Variants in FREM1 observed in about 807,000 individuals in gnomAD.
The protein encoded by FREM1 is FRAS1-related extracellular matrix protein 1.
Under a neutral mutation model 210.1 loss-of-function variants are expected in FREM1, and 220 were observed. The observed-to-expected ratio is 1.05, with a 90% CI of 0.94 to 1.17. The LOEUF (loss-of-function observed/expected upper bound fraction) is 1.17. Ranked by LOEUF, FREM1 falls within the 50% of genes most tolerant of loss-of-function variation. The pLI, the probability that FREM1 is intolerant of heterozygous loss-of-function variation, is 0.00. For missense variants in FREM1, 3,454 were observed against 2,675.5 expected (o/e 1.29, Z -6.42); for synonymous variants, 1,189 against 980.2 (o/e 1.21, Z -3.98).
chr9:14,783,649 G>A (rs1300891434), intron 24 of FREM1, among the ~76,000 whole-genome samples: 12 of 152,158 alleles, frequency 7.9e-5, no homozygotes, highest in Admixed American at 7.9e-4. Context: ...TTCTGGACTT[G>A]GCTCTTGCTT....
intron 1 of FREM1, among the ~76,000 whole-genome samples, chr9:14,894,648 G>GT (rs957547277): frequency 7.2e-5 from 11 of 152,036 alleles, no homozygotes; most frequent in Admixed American, 3.9e-4. Context: ...CCTTTGTTTT[G>GT]TTTTTTTAGA....
At chr9:14,832,545 C>T (rs1823762082) in intron 10 of FREM1, among the ~76,000 whole-genome samples, 1 of 152,182 alleles carries the variant, frequency 6.6e-6, no homozygotes, top group Non-Finnish European at 1.5e-5. Context: ...TAATTGAATT[C>T]CTTTCTACAA....
Position 14,805,025 on chromosome 9 carries a change from C to T in FREM1, c.3402G>A (p.Glu1134=). The T allele has an allele frequency of 6.2e-7, 1 of 1,613,796 alleles. No homozygotes were observed. The highest frequency in any genetic ancestry group is 8.5e-7 in the Non-Finnish European group (1 of 1,179,732). ...YVTDGKHHSL[E]IPFSIIINPT... is the part of the protein sequence containing the mutation. ...GGTTGATTATAATAGAAAATGGTAT[C>T]TCCAAGGAGTGATGCTTCCCATCTG... is the stretch of plus-strand genomic sequence containing the variant. The change falls in exon 19 of 37, where the codon GAG becomes GAA. Residue 1134 remains glutamate, a synonymous_variant. Transcript: ENST00000380880.
At chr9:14,888,203 A>T (rs1836162248) in intron 1 of FREM1, among the ~76,000 whole-genome samples, 2 of 152,146 alleles carry the variant, frequency 1.3e-5, no homozygotes, top group Admixed American at 6.5e-5. Flanking sequence ...GTAGATAATG[A>T]TTTTATAGAT....
chr9:14,855,381 T>C (rs1181516724), intron 5 of FREM1, among the ~76,000 whole-genome samples: 2 of 152,140 alleles, frequency 1.3e-5, no homozygotes, highest in African/African-American at 4.8e-5. Context: ...AATAAAATTG[T>C]ATTTGAGGTA....
chr9:14,806,513 C>A (rs1374873980), intron 18 of FREM1, 148 bp downstream of exon 18: 20 of 593,542 alleles, frequency 3.4e-5, no homozygotes, highest in Non-Finnish European at 6.0e-5. Context: ...CTCGGCCTCC[C>A]AAAGTGCTGG....
At chr9:14,767,135 C>T (rs548714715) in intron 27 of FREM1, among the ~76,000 whole-genome samples, 1 of 152,074 alleles carries the variant, frequency 6.6e-6, no homozygotes, top group African/African-American at 2.4e-5. Flanking sequence ...AAGGGCAGAG[C>T]CAAAGCTCAA....
chr9:14,813,093 A>C, intron 15 of FREM1, 29 bp from the exon 16 acceptor site: 1 of 1,577,762 alleles, frequency 6.3e-7, no homozygotes, highest in Non-Finnish European at 8.6e-7. Flanking sequence ...GCATGTTTTC[A>C]GAAAAAGAAA....
intron 10 of FREM1, among the ~76,000 whole-genome samples, chr9:14,829,397 G>A (rs1325269585): frequency 6.6e-6 from 1 of 152,066 alleles, no homozygotes; most frequent in East Asian, 1.9e-4. Context: ...TGCCATGACT[G>A]TCATCAAATA....
At chr9:14,794,752 C>A (rs1416126049) in intron 21 of FREM1, among the ~76,000 whole-genome samples, 4 of 152,128 alleles carry the variant, frequency 2.6e-5, no homozygotes, top group East Asian at 3.9e-4. Flanking sequence ...GTAATCCCAG[C>A]ACTTTTGGAG....
chr9:14,780,293 C>T (rs947021218), intron 24 of FREM1, among the ~76,000 whole-genome samples: 14 of 152,026 alleles, frequency 9.2e-5, no homozygotes, highest in African/African-American at 2.7e-4. Context: ...GACTGGGGTG[C>T]CTGCCTGGTC....
chr9:14,821,604 G>A (rs1821325145), intron 13 of FREM1, among the ~76,000 whole-genome samples: 1 of 152,200 alleles, frequency 6.6e-6, no homozygotes, highest in East Asian at 1.9e-4. Context: ...TCTGGTCCCT[G>A]ATAGGAAAGG....
intron 3 of FREM1, among the ~76,000 whole-genome samples, chr9:14,861,090 T>TATATACAC (rs1830266185): frequency 4.9e-5 from 4 of 81,668 alleles, no homozygotes; most frequent in South Asian, 3.0e-4. Flanking sequence ...TATATACACA[T>TATATACAC]ATATATAAAC....
intron 29 of FREM1, 54 bp from the exon 30 acceptor site, chr9:14,750,330 G>A: frequency 1.4e-6 from 2 of 1,405,804 alleles, no homozygotes; most frequent in East Asian, 2.3e-5. Flanking sequence ...AATCACCTAG[G>A]TGTCAGAGAA....
At chr9:14,873,159 G>C (rs994128403) in intron 1 of FREM1, among the ~76,000 whole-genome samples, 32 of 152,108 alleles carry the variant, frequency 2.1e-4, no homozygotes, top group South Asian at 4.2e-4. Flanking sequence ...GCCAGGCTTT[G>C]GTATCAGGAT....
chr9:14,851,706 C>T (rs1000264849), intron 5 of FREM1, 99 bp from the exon 6 acceptor site: 93 of 955,836 alleles, frequency 9.7e-5, no homozygotes, highest in Admixed American at 8.8e-5. Context: ...CACAGCCTAG[C>T]GTCTAGCAGT....
chr9:14,877,171 C>A (rs1833914155), intron 1 of FREM1, among the ~76,000 whole-genome samples: 1 of 152,068 alleles, frequency 6.6e-6, no homozygotes, highest in Admixed American at 6.6e-5. Context: ...TGATCTCATT[C>A]CTTGGCCTTA....
At chr9:14,779,028 G>A (rs990185935) in intron 24 of FREM1, among the ~76,000 whole-genome samples, 2 of 152,066 alleles carry the variant, frequency 1.3e-5, no homozygotes, top group Non-Finnish European at 2.9e-5. Context: ...CTCAGGCAGA[G>A]CCTGAGAACA....
At position 14,737,641 on chromosome 9, in the gene FREM1, T is replaced by A. The variant is rs571836205; in HGVS notation, c.6341-46A>T. On this transcript the variant is annotated intron_variant, in intron 36 of 36. Transcript: ENST00000380880. ...GTACCAATTACTTTTATTGCGTTTATACTTAGATATCATATCCAGCTGTTG... is the reference window on the plus strand; with the variant it reads ...GTACCAATTACTTTTATTGCGTTTAAACTTAGATATCATATCCAGCTGTTG... 5 of 1,371,418 alleles carry A rather than the reference T, an allele frequency of 3.6e-6. No homozygotes were observed. The East Asian group carries it at 1.0e-4, about 28-fold the overall frequency. 85.0% of individuals were successfully genotyped at this position (1,371,418 alleles called of 1,614,324 possible).
Sources: gnomAD v4.1 joint callset for allele counts (sites outside exome capture counted in the v4.1 genomes callset) on GRCh38, gnomAD v4.1.1 for gene constraint, MANE v1.5 for transcripts, NCBI Gene and HGNC (gene_info 2026-07-23, HGNC 2026-07-21) for gene names.